SDC2: variants seen among roughly 807,000 people sequenced by gnomAD.
SDC2 encodes the protein syndecan-2.
A neutral mutation model predicts 22.2 loss-of-function variants in SDC2; 13 were observed. That is an observed-to-expected ratio of 0.59 (90% CI 0.38 to 0.93). The LOEUF is 0.93. SDC2 is among the 40% of genes least tolerant of loss of function. The probability of loss-of-function intolerance (pLI) is 0.00; values close to 1 mark genes in which losing one functional copy is unlikely to be tolerated. For missense variants in SDC2, 235 were observed against 246.8 expected (o/e 0.95, Z 0.32); for synonymous variants, 94 against 92.8 (o/e 1.01, Z -0.07).
At chr8:96,601,380 G>A (rs906908859) in intron 2 of SDC2, among the ~76,000 whole-genome samples, 2 of 152,018 alleles carry the variant, frequency 1.3e-5, no homozygotes, top group African/African-American at 4.8e-5. Flanking sequence ...GGTGGCTCAC[G>A]CCTGTAATCC....
In SDC2 at chr8:96,609,545, G is replaced by A. The variant is rs770229518; in HGVS notation, c.603G>A (p.Ala201=). The A allele has an allele frequency of 1.1e-5, 17 of 1,578,416 alleles. No homozygotes were observed. Among genetic ancestry groups the A allele is most frequent in the Admixed American group, 1.8e-5 (1 of 55,118 alleles). Residue 201 remains alanine (A), a synonymous_variant, in exon 5 of 5, where the codon GCG becomes GCA. Coordinates refer to ENST00000302190, the MANE Select transcript of SDC2 (RefSeq NM_002998.4). ...AGGCACCTACTAAGGAGTTTTATGC[G>A]TAAAACTCCAACTTAGTGTCTCTAT... ...YQKAPTKEFY[A]
intron 3 of SDC2, among the ~76,000 whole-genome samples, chr8:96,605,167 G>A (rs778660949): frequency 3.3e-5 from 5 of 152,142 alleles, no homozygotes; most frequent in Non-Finnish European, 5.9e-5. Context: ...CATATGATTT[G>A]TAATAATAAT....
intron 1 of SDC2, among the ~76,000 whole-genome samples, chr8:96,564,636 A>G (rs1170651972): frequency 2.6e-5 from 4 of 152,174 alleles, no homozygotes; most frequent in African/African-American, 4.8e-5. Flanking sequence ...GAATGTACCT[A>G]TGATACGTTT....
chr8:96,495,890 T>C (rs534524192), intron 1 of SDC2, among the ~76,000 whole-genome samples: 1 of 152,326 alleles, frequency 6.6e-6, no homozygotes, highest in African/African-American at 2.4e-5. Flanking sequence ...GCCTTATCAG[T>C]GTTTCCCTTT....
At chr8:96,499,296 T>C (rs771042174) in intron 1 of SDC2, among the ~76,000 whole-genome samples, 56 of 152,326 alleles carry the variant, frequency 3.7e-4, no homozygotes, top group Non-Finnish European at 7.5e-4. Context: ...ATTGAAAGTA[T>C]GTGAAAATAC....
At chr8:96,602,141 A>G (rs1420535806) in intron 2 of SDC2, among the ~76,000 whole-genome samples, 1 of 152,198 alleles carries the variant, frequency 6.6e-6, no homozygotes. Flanking sequence ...AGGAACATGC[A>G]AGTGAAAGAA....
At position 96,494,020 on chromosome 8, in the gene SDC2, T is replaced by C; in HGVS notation, c.-252T>C. The C allele has an allele frequency of 1.9e-6, 1 of 531,494 alleles. No homozygotes were observed. Among genetic ancestry groups the C allele is most frequent in the Non-Finnish European group, 3.3e-6 (1 of 305,168 alleles). The allele number at this position is 531,494 out of a possible 1,614,324, so 32.9% of individuals were successfully genotyped here. A position where few individuals can be genotyped will look rare whatever the true frequency, so the allele number is the denominator to read the frequency against. On this transcript the variant is annotated 5_prime_UTR_variant, in exon 1 of 5. Coordinates refer to ENST00000302190, the MANE Select transcript of SDC2 (RefSeq NM_002998.4). ...CAGCCTTCCCGGAGCACCAACTCCG[T>C]GTCGGGAGTGCAGAAACCAACAAGT... is the stretch of plus-strand genomic sequence containing the variant.
chr8:96,559,473 GAA>G (rs1211120023), intron 1 of SDC2, among the ~76,000 whole-genome samples: 3 of 152,200 alleles, frequency 2.0e-5, no homozygotes, highest in Non-Finnish European at 4.4e-5. Flanking sequence ...TTTCTGAAGA[GAA>G]GAGTGAAACT....
At chr8:96,515,021 A>C (rs1040590273) in intron 1 of SDC2, among the ~76,000 whole-genome samples, 2 of 152,162 alleles carry the variant, frequency 1.3e-5, no homozygotes. Flanking sequence ...AAAGCAAGAG[A>C]ATGCTGGACA....
At chr8:96,533,740 G>T (rs2582829) in intron 1 of SDC2, among the ~76,000 whole-genome samples, 21,719 of 151,756 alleles carry the variant, frequency 0.14, 1,767 homozygotes, top group Middle Eastern at 0.2. Flanking sequence ...AGACATAAAG[G>T]TTCTCCAAGT....
At chr8:96,574,261 C>G (rs115199466) in intron 1 of SDC2, among the ~76,000 whole-genome samples, 3,808 of 152,122 alleles carry the variant, frequency 0.025, 150 homozygotes, top group African/African-American at 0.087. Context: ...CATGGGGAAA[C>G]CCTGGGATGG....
chr8:96,607,755 G>A (rs35868821), intron 3 of SDC2, among the ~76,000 whole-genome samples: 3,590 of 152,236 alleles, frequency 0.024, 53 homozygotes, highest in Non-Finnish European at 0.037. Flanking sequence ...TGTGATCAGG[G>A]AGGAGCTACT....
At chr8:96,513,109 T>G (rs947160084) in intron 1 of SDC2, among the ~76,000 whole-genome samples, 1 of 152,208 alleles carries the variant, frequency 6.6e-6, no homozygotes, top group Non-Finnish European at 1.5e-5. Context: ...AAAAGCATAC[T>G]ACATCCTGCT....
At chr8:96,592,442 A>G (rs924542029) in intron 1 of SDC2, among the ~76,000 whole-genome samples, 11 of 152,252 alleles carry the variant, frequency 7.2e-5, no homozygotes, top group Admixed American at 3.3e-4. Context: ...TTTTAAAAAT[A>G]GAGCAATAAT....
At chr8:96,578,682 C>T (rs886466753) in intron 1 of SDC2, among the ~76,000 whole-genome samples, 2 of 152,148 alleles carry the variant, frequency 1.3e-5, no homozygotes, top group African/African-American at 2.4e-5. Flanking sequence ...CTGTGAAATG[C>T]CCCCTGTGTG....
intron 1 of SDC2, among the ~76,000 whole-genome samples, chr8:96,514,124 A>ATC (rs1813368394): frequency 6.6e-6 from 1 of 152,208 alleles, no homozygotes; most frequent in Non-Finnish European, 1.5e-5. Flanking sequence ...TGATGGCAAG[A>ATC]TCTCTATTTG....
intron 1 of SDC2, among the ~76,000 whole-genome samples, chr8:96,581,194 T>C (rs1814583342): frequency 6.6e-6 from 1 of 152,182 alleles, no homozygotes; most frequent in Non-Finnish European, 1.5e-5. Context: ...GGGCAAAAAA[T>C]AATAATATGT....
At chr8:96,581,427 C>T (rs758696777) in intron 1 of SDC2, among the ~76,000 whole-genome samples, 2 of 152,044 alleles carry the variant, frequency 1.3e-5, no homozygotes, top group South Asian at 2.1e-4. Flanking sequence ...GTTAGGAGTT[C>T]GAGACCAACC....
intron 1 of SDC2, among the ~76,000 whole-genome samples, chr8:96,569,243 G>A (rs952854762): frequency 2.6e-5 from 4 of 152,156 alleles, no homozygotes; most frequent in Non-Finnish European, 5.9e-5. Flanking sequence ...TCCCGGCCTC[G>A]AGCCATCCTT....
Sources: gnomAD v4.1 joint callset for allele counts (sites outside exome capture counted in the v4.1 genomes callset) on GRCh38, gnomAD v4.1.1 for gene constraint, MANE v1.5 for transcripts, NCBI Gene and HGNC (gene_info 2026-07-23, HGNC 2026-07-21) for gene names.